Variants in CPS1 observed in about 807,000 individuals in gnomAD.
The protein encoded by CPS1 is carbamoyl-phosphate synthase [ammonia], mitochondrial.
In CPS1, 109 loss-of-function variants were observed where a neutral mutation model predicts 174.6. The ratio of observed to expected loss-of-function variants is 0.62; its 90% CI spans 0.53 to 0.73. CPS1 has a LOEUF of 0.73. Among genes scored for constraint, CPS1 ranks in the 30% least tolerant of loss-of-function variants. CPS1 has a pLI of 0.00. For missense variants in CPS1, 1,689 were observed against 1,821.9 expected, an observed-to-expected ratio of 0.93 and a Z score of 1.33; for synonymous variants, 637 against 632.0, an observed-to-expected ratio of 1.01 and a Z score of -0.12.
At chr2:210,529,375 A>G (rs1482532786) in intron 1 of CPS1, among the ~76,000 whole-genome samples, 1 of 152,012 alleles carries the variant, frequency 6.6e-6, no homozygotes, top group Non-Finnish European at 1.5e-5. Flanking sequence ...CTCTGCCAGA[A>G]TAAACCTATT....
chr2:210,515,792 A>G (rs978322534), intron 1 of CPS1, among the ~76,000 whole-genome samples: 6 of 151,562 alleles, frequency 4.0e-5, no homozygotes, highest in African/African-American at 1.2e-4. Context: ...GTGATGTTAG[A>G]TCGTTAATTT....
At chr2:210,519,650 C>T (rs1017069898) in intron 1 of CPS1, 1 of 572,586 alleles carries the variant, frequency 1.7e-6, no homozygotes, top group Non-Finnish European at 2.2e-6. Flanking sequence ...AATTCCCAGC[C>T]TCGCTTGCAT....
chr2:210,509,006 G>C (rs1319312184), intron 1 of CPS1, among the ~76,000 whole-genome samples: 2 of 152,144 alleles, frequency 1.3e-5, no homozygotes, highest in African/African-American at 2.4e-5. Flanking sequence ...TAGAAAAAGA[G>C]GGAATCCTCC....
At chr2:210,611,255 A>G (rs567094427) in intron 19 of CPS1, among the ~76,000 whole-genome samples, 23 of 152,080 alleles carry the variant, frequency 1.5e-4, no homozygotes, top group Admixed American at 9.2e-4. Flanking sequence ...TGACATGAAG[A>G]TTTCCTAAAC....
rs773998721 is a variant in CPS1, at chr2:210,608,434, G to A, written c.2266G>A (p.Gly756Arg). The A allele has an allele frequency of 7.4e-6, 12 of 1,612,462 alleles. No individual in the cohort carries two copies. Among genetic ancestry groups the A allele is most frequent in the Middle Eastern group, 1.7e-4 (1 of 6,046 alleles). The change falls in exon 19 of 38, where the codon GGG (glycine) becomes AGG (arginine). Residue 756 changes from glycine (G) to arginine (R), a missense_variant. Transcript: ENST00000233072. ...TCCAGAAATTAAGAACGTCGTATCC[G>A]GGAAGACATCAGCCTGTTTTGAACC... ...PLPEIKNVVSGKTSACFEPSL... is the reference protein window; with the variant it reads ...PLPEIKNVVSRKTSACFEPSL...
chr2:210,491,800 G>T lies in CPS1; in HGVS notation c.3+14034G>T, dbSNP rs543233101. On this transcript the variant is annotated intron_variant, in intron 1 of 38. Coordinates refer to the CPS1 transcript ENST00000430249. ...CTAAGAGGAATCTTCTGCTAGGTTA[G>T]GGGAGGGGGTCCTATAACAGCTGGA... Among the ~76,000 whole-genome samples, 27 of 152,142 alleles carry T rather than the reference G, an allele frequency of 1.8e-4. No individual in the cohort carries two copies. The South Asian group carries it at 5.6e-3, about 32-fold the overall frequency.
At chr2:210,592,547 G>C (rs984780840) in intron 10 of CPS1, among the ~76,000 whole-genome samples, 2 of 151,948 alleles carry the variant, frequency 1.3e-5, no homozygotes, top group African/African-American at 4.8e-5. Context: ...CGGACTTGGG[G>C]ATAAGATGAG....
chr2:210,642,384 C>G, intron 24 of CPS1, 100 bp from the exon 25 acceptor site: 1 of 1,389,122 alleles, frequency 7.2e-7, no homozygotes, highest in Non-Finnish European at 1.0e-6. Flanking sequence ...AAATCATTAG[C>G]TTCCTTAGCC....
At chr2:210,516,545 C>G (rs961705660) in intron 1 of CPS1, among the ~76,000 whole-genome samples, 4 of 151,986 alleles carry the variant, frequency 2.6e-5, no homozygotes, top group African/African-American at 9.6e-5. Context: ...ATTTTTCTAA[C>G]ACGCATATCT....
upstream of CPS1, among the ~76,000 whole-genome samples, chr2:210,555,377 A>G (rs142951166): frequency 7.9e-5 from 12 of 152,036 alleles, no homozygotes; most frequent in African/African-American, 2.9e-4. Flanking sequence ...TTCCCATTGC[A>G]TTTGGGCAAC....
chr2:210,612,368 C>T, intron 20 of CPS1, 75 bp downstream of exon 20: 2 of 1,550,936 alleles, frequency 1.3e-6, no homozygotes, highest in Non-Finnish European at 1.8e-6. Flanking sequence ...TAAAATAAAA[C>T]TGAATCACAA....
At chr2:210,570,422 G>T (rs1012914224) in intron 1 of CPS1, among the ~76,000 whole-genome samples, 3 of 151,898 alleles carry the variant, frequency 2.0e-5, no homozygotes, top group African/African-American at 7.2e-5. Flanking sequence ...CACAAGTGTT[G>T]ATTTTCTTAT....
At chr2:210,558,042 GAGAA>G (rs1471426748) in intron 1 of CPS1, among the ~76,000 whole-genome samples, 3 of 151,832 alleles carry the variant, frequency 2.0e-5, no homozygotes, top group Non-Finnish European at 4.4e-5. Context: ...GAGAGAGAGA[GAGAA>G]AGAGAGAGAA....
intron 1 of CPS1, among the ~76,000 whole-genome samples, chr2:210,490,067 A>AGACGGAAG (rs1559732838): frequency 6.6e-6 from 1 of 150,880 alleles, no homozygotes; most frequent in East Asian, 1.9e-4. Flanking sequence ...GATGGAAGGA[A>AGACGGAAG]GAAGGAAGGA....
chr2:210,566,877 G>A (rs773409498), intron 1 of CPS1, among the ~76,000 whole-genome samples: 10 of 151,848 alleles, frequency 6.6e-5, no homozygotes, highest in Admixed American at 1.3e-4. Context: ...TGGAGTTCTC[G>A]GTGACACAAC....
At chr2:210,478,314 A>G (rs1694461421) in intron 1 of CPS1, among the ~76,000 whole-genome samples, 1 of 152,212 alleles carries the variant, frequency 6.6e-6, no homozygotes, top group African/African-American at 2.4e-5. Context: ...AATGTTTGCC[A>G]TTCTAATGAA....
At chr2:210,481,995 G>C (rs913370979) in intron 1 of CPS1, among the ~76,000 whole-genome samples, 1 of 152,158 alleles carries the variant, frequency 6.6e-6, no homozygotes, top group African/African-American at 2.4e-5. Context: ...TCTTTAACTG[G>C]CTTCTTATAC....
intron 1 of CPS1, among the ~76,000 whole-genome samples, chr2:210,525,060 A>G (rs141591012): frequency 6.6e-6 from 1 of 152,014 alleles, no homozygotes; most frequent in East Asian, 1.9e-4. Flanking sequence ...TTCCCGTAGT[A>G]ATAAGAACTA....
intron 1 of CPS1, among the ~76,000 whole-genome samples, chr2:210,572,372 T>C (rs1321656331): frequency 6.6e-6 from 1 of 152,062 alleles, no homozygotes; most frequent in Non-Finnish European, 1.5e-5. Flanking sequence ...AATTAGTTTG[T>C]CCTATAGAGT....
Sources: gnomAD v4.1 joint callset for allele counts (sites outside exome capture counted in the v4.1 genomes callset) on GRCh38, gnomAD v4.1.1 for gene constraint, MANE v1.5 for transcripts, NCBI Gene and HGNC (gene_info 2026-07-23, HGNC 2026-07-21) for gene names.